The following ITSN1 variants were observed in gnomAD, a reference collection of about 807,000 sequenced individuals.
ITSN1 encodes intersectin 1.
Under a neutral mutation model 239.8 loss-of-function variants are expected in ITSN1, and 58 were observed. The ratio of observed to expected loss-of-function variants is 0.24; its 90% CI spans 0.20 to 0.30. ITSN1 has a LOEUF of 0.30. ITSN1 is among the 10% of genes least tolerant of loss of function. ITSN1 has a pLI of 1.00. For synonymous variants in ITSN1, 780 were observed against 770.8 expected (o/e 1.01, Z -0.20); for missense variants, 1,558 against 2,103.3 (o/e 0.74, Z 5.07).
intron 25 of ITSN1, among the ~76,000 whole-genome samples, chr21:33,826,582 C>T (rs1197185487): frequency 6.6e-6 from 1 of 152,164 alleles, no homozygotes; most frequent in Non-Finnish European, 1.5e-5. Flanking sequence ...CTCTTACAGG[C>T]GCCATACTCT....
chr21:33,753,761 TAAAAAAAA>T lies in ITSN1; in HGVS notation c.624-1515_624-1508del, dbSNP rs760085854. On this transcript the variant is annotated intron_variant, in intron 7 of 39. Coordinates refer to ENST00000381318, the MANE Select transcript of ITSN1 (RefSeq NM_003024.3). The stretch of plus-strand genomic sequence containing the variant: ...TGGGTGACACGGCAAGTCTCTTTCT[TAAAAAAAA>T]AAAAAAAAAAAAAAAAAAAATTCTC... Among the ~76,000 whole-genome samples the T allele has an allele frequency of 5.6e-3, 460 of 81,768 alleles. 3 individuals carry two copies. Among genetic ancestry groups the T allele is most frequent in the African/African-American group, 0.025 (440 of 17,578 alleles). The allele number at this position is 81,768 out of a possible 152,430, so 53.6% of individuals were successfully genotyped here. A position where few individuals can be genotyped will look rare whatever the true frequency, so the allele number is the denominator to read the frequency against.
intron 1 of ITSN1, among the ~76,000 whole-genome samples, chr21:33,644,918 C>T (rs1007827717): frequency 2.0e-5 from 3 of 151,816 alleles, no homozygotes; most frequent in African/African-American, 7.3e-5. Context: ...ACCTCCTGGG[C>T]TCCAGTGATC....
intron 10 of ITSN1, 68 bp downstream of exon 10, chr21:33,766,080 A>G: frequency 6.5e-7 from 1 of 1,534,822 alleles, no homozygotes; most frequent in African/African-American, 1.4e-5. Context: ...GGCTTTATTG[A>G]CTATGTGTCT....
intron 29 of ITSN1, among the ~76,000 whole-genome samples, chr21:33,842,409 T>C (rs1231069272): frequency 6.6e-6 from 1 of 152,154 alleles, no homozygotes; most frequent in East Asian, 1.9e-4. Flanking sequence ...AGCTATAAGA[T>C]ATATATAGTG....
intron 1 of ITSN1, among the ~76,000 whole-genome samples, chr21:33,701,793 T>C (rs2092022895): frequency 6.7e-6 from 1 of 148,824 alleles, no homozygotes; most frequent in Non-Finnish European, 1.5e-5. Flanking sequence ...AGACTCCATC[T>C]CAAAAAAAAA....
intron 1 of ITSN1, among the ~76,000 whole-genome samples, chr21:33,665,566 A>G (rs2089876866): frequency 6.6e-6 from 1 of 152,332 alleles, no homozygotes; most frequent in African/African-American, 2.4e-5. Flanking sequence ...ACAGCTGTGT[A>G]AAATAATTTT....
At chr21:33,711,068 C>A (rs1208111014) in intron 1 of ITSN1, among the ~76,000 whole-genome samples, 1 of 152,178 alleles carries the variant, frequency 6.6e-6, no homozygotes, top group East Asian at 1.9e-4. Flanking sequence ...AGCCACCGCG[C>A]CTGGCCGGGG....
At chr21:33,758,083 T>A (rs2147592550) in intron 8 of ITSN1, among the ~76,000 whole-genome samples, 1 of 152,204 alleles carries the variant, frequency 6.6e-6, no homozygotes, top group Middle Eastern at 3.4e-3. Flanking sequence ...GGTGGGATCT[T>A]TGTTGTCCAG....
chr21:33,771,990 G>T (rs1226072384), intron 11 of ITSN1, 71 bp from the exon 12 acceptor site: 9 of 1,539,724 alleles, frequency 5.8e-6, no homozygotes, highest in Non-Finnish European at 8.0e-6. Context: ...AAATACATTG[G>T]TGAGTTTTCC....
Position 33,812,763 on chromosome 21 carries a change from C to T in ITSN1, c.2568-1150C>T, listed in dbSNP as rs549763373. ...ATCCTCCTGCCTTGGCCTCCCAAAG[C>T]GCTGGGATTAGAGGTATCAGCCACC... On this transcript the variant is annotated intron_variant, in intron 21 of 39. Coordinates refer to ENST00000381318, the MANE Select transcript of ITSN1 (RefSeq NM_003024.3). 6.6e-5 allele frequency among the ~76,000 whole-genome samples: 10 copies of T among 152,068 alleles called. No homozygotes were observed. The East Asian group carries it at 9.7e-4, about 15-fold the overall frequency.
chr21:33,667,189 C>T (rs2089983099), intron 1 of ITSN1, among the ~76,000 whole-genome samples: 1 of 151,318 alleles, frequency 6.6e-6, no homozygotes, highest in Non-Finnish European at 1.5e-5. Context: ...GTTTTCCAAA[C>T]GCTCTATAAT....
chr21:33,826,671 C>T, intron 25 of ITSN1, 147 bp from the exon 26 acceptor site: 5 of 643,866 alleles, frequency 7.8e-6, no homozygotes, highest in South Asian at 3.9e-5. Context: ...GATCTATATC[C>T]TTGTGTCAGG....
chr21:33,834,690 G>A (rs1937516359), intron 28 of ITSN1, among the ~76,000 whole-genome samples: 1 of 152,172 alleles, frequency 6.6e-6, no homozygotes, highest in Non-Finnish European at 1.5e-5. Context: ...GTGGCATTAA[G>A]GCCACATTTT....
At chr21:33,856,507 T>G (rs1405789185) in intron 29 of ITSN1, among the ~76,000 whole-genome samples, 1 of 152,202 alleles carries the variant, frequency 6.6e-6, no homozygotes, top group Admixed American at 6.5e-5. Flanking sequence ...TGAGTATGAC[T>G]TTATCTTAAT....
At chr21:33,734,183 G>A (rs138306643) in intron 4 of ITSN1, among the ~76,000 whole-genome samples, 2 of 152,136 alleles carry the variant, frequency 1.3e-5, no homozygotes, top group African/African-American at 4.8e-5. Flanking sequence ...TTTTTATGCA[G>A]AAGAGGTTAA....
chr21:33,762,101 T>A, intron 9 of ITSN1, 115 bp downstream of exon 9: 1 of 778,022 alleles, frequency 1.3e-6, no homozygotes. Context: ...AGAATTTGCT[T>A]AATTTCAGTG....
chr21:33,667,062 C>T (rs886391792), intron 1 of ITSN1, among the ~76,000 whole-genome samples: 108 of 152,070 alleles, frequency 7.1e-4, no homozygotes, highest in African/African-American at 2.3e-3. Flanking sequence ...AAGTGATCCA[C>T]CCCCATCTCG....
intron 9 of ITSN1, among the ~76,000 whole-genome samples, 179 bp from the exon 10 acceptor site, chr21:33,765,696 A>T (rs1309505645): frequency 6.6e-6 from 1 of 152,248 alleles, no homozygotes; most frequent in African/African-American, 2.4e-5. Context: ...CACTGTCCCA[A>T]CTACCTGTAA....
chr21:33,770,028 A>G (rs1392252491), intron 11 of ITSN1, among the ~76,000 whole-genome samples: 2 of 150,860 alleles, frequency 1.3e-5, no homozygotes, highest in Admixed American at 6.6e-5. Flanking sequence ...ATATTAATTT[A>G]TCATAAGGGC....
Sources: allele counts gnomAD v4.1 joint callset (sites outside exome capture counted in the v4.1 genomes callset), GRCh38; gene constraint gnomAD v4.1.1; transcripts MANE v1.5; gene names NCBI Gene and HGNC (gene_info 2026-07-23, HGNC 2026-07-21).